Variants in MYPN observed in about 807,000 individuals in gnomAD.
The protein encoded by MYPN is sarcomeric protein myopalladin, 145 kDa (MYOP).
Under a neutral mutation model 129.4 loss-of-function variants are expected in MYPN, and 63 were observed. The ratio of observed to expected loss-of-function variants is 0.49; its 90% CI spans 0.40 to 0.60. The LOEUF is 0.60. Among genes scored for constraint, MYPN ranks in the 20% least tolerant of loss-of-function variants. The pLI, the probability that MYPN is intolerant of heterozygous loss-of-function variation, is 0.00. For synonymous variants in MYPN, 629 were observed against 600.9 expected (o/e 1.05, Z -0.68); for missense variants, 1,596 against 1,635.4 (o/e 0.98, Z 0.42).
rs1357324127 is a variant in MYPN at position 68,098,257 on chromosome 10, T to C, written c.-2+10265T>C. On this transcript the variant is annotated intron_variant, in intron 1 of 6. Transcript: ENST00000685154. ...CGAGACTCTGTCTCCAAAAAAAAGA[T>C]CTCAATTTTACTATGGCTTTTATGC... 2.0e-5 allele frequency among the ~76,000 whole-genome samples: 3 copies of C among 151,906 alleles called. No homozygotes were observed. The East Asian group carries it at 5.8e-4, about 30-fold the overall frequency.
chr10:68,161,621 C>T (rs2042978063), intron 7 of MYPN, 108 bp from the exon 8 acceptor site: 1 of 783,206 alleles, frequency 1.3e-6, no homozygotes, highest in African/African-American at 1.7e-5. Context: ...CTTATTGTAT[C>T]ACTCCTGAGT....
At chr10:68,161,866 A>G in intron 8 of MYPN, 114 bp downstream of exon 8, 1 of 876,606 alleles carries the variant, frequency 1.1e-6, no homozygotes, top group Non-Finnish European at 1.8e-6. Flanking sequence ...GTTTTAGGAA[A>G]AAAAGATCCA....
chr10:68,117,179 G>A (rs1351343950), intron 1 of MYPN, among the ~76,000 whole-genome samples: 9 of 150,424 alleles, frequency 6.0e-5, no homozygotes, highest in Non-Finnish European at 8.8e-5. Context: ...AGCCGACATC[G>A]CACCATTGCA....
At chr10:68,198,730 C>A (rs2043653801) in intron 16 of MYPN, among the ~76,000 whole-genome samples, 1 of 152,180 alleles carries the variant, frequency 6.6e-6, no homozygotes, top group African/African-American at 2.4e-5. Context: ...GGTTTAATAT[C>A]TGGCCTTTCA....
In MYPN at chr10:68,150,074, A is replaced by G. The variant is rs2042741903; in HGVS notation, c.1280A>G (p.Asp427Gly). Residue 427 changes from aspartate to glycine, a missense_variant, in exon 6 of 20, where the codon GAT (aspartate) becomes GGT (glycine). Physicochemically the swap from Asp to Gly is moderately conservative, Grantham distance 94. Transcript: ENST00000358913. The stretch of plus-strand genomic sequence containing the variant: ...CCCACCAATTACTTGCAGGGATTGG[A>G]TGGAAAACCTATCATTGCAGCTCCT... ...QSPTNYLQGL[D>G]GKPIIAAPVF... The G allele has an allele frequency of 6.2e-7, 1 of 1,613,914 alleles. No individual in the cohort carries two copies. The highest frequency in any genetic ancestry group is 8.5e-7 in the Non-Finnish European group (1 of 1,179,868).
At chr10:68,113,432 A>T (rs971068039) in intron 1 of MYPN, among the ~76,000 whole-genome samples, 2 of 152,192 alleles carry the variant, frequency 1.3e-5, no homozygotes, top group Non-Finnish European at 2.9e-5. Context: ...GCGGTGGCTC[A>T]TGCCTGTAAT....
chr10:68,126,784 C>T (rs1324280755), intron 2 of MYPN, among the ~76,000 whole-genome samples: 1 of 152,086 alleles, frequency 6.6e-6, no homozygotes, highest in Non-Finnish European at 1.5e-5. Context: ...GAATTTGAGT[C>T]TGAGGGGACA....
intron 12 of MYPN, among the ~76,000 whole-genome samples, chr10:68,175,960 C>T (rs901422433): frequency 6.6e-6 from 1 of 152,050 alleles, no homozygotes; most frequent in African/African-American, 2.4e-5. Flanking sequence ...CCAGCCTTGT[C>T]TCAAACTCCT....
intron 12 of MYPN, among the ~76,000 whole-genome samples, chr10:68,188,403 C>T (rs1704684377): frequency 8.3e-6 from 1 of 119,982 alleles, no homozygotes; most frequent in South Asian, 3.2e-4. Flanking sequence ...AGCCACCATG[C>T]CTGGCCTCTT....
intron 7 of MYPN, among the ~76,000 whole-genome samples, chr10:68,159,087 C>G (rs1316953444): frequency 2.0e-5 from 3 of 152,130 alleles, no homozygotes; most frequent in Admixed American, 2.0e-4. Context: ...AGAATTGCTG[C>G]TATAAATTTA....
Position 68,182,465 on chromosome 10 carries a change from C to CATATAT in MYPN, c.2704-6438_2704-6433dup, listed in dbSNP as rs372702266. On this transcript the variant is annotated intron_variant, in intron 12 of 19. Transcript: ENST00000358913. The stretch of plus-strand genomic sequence containing the variant: ...ACATATATATAACATATATATATAA[C>CATATAT]ATATATACACACACACACACACACA... Among the ~76,000 whole-genome samples, 668 of 89,330 alleles carry CATATAT rather than the reference C, an allele frequency of 7.5e-3. 22 individuals are homozygous for CATATAT. Among genetic ancestry groups the CATATAT allele is most frequent in the African/African-American group, 0.026 (602 of 22,752 alleles). The allele number at this position is 89,330 out of a possible 152,430, so 58.6% of individuals were successfully genotyped here.
In MYPN at chr10:68,143,132, T is replaced by C. The variant is rs774341455; in HGVS notation, c.1078+17T>C. On this transcript the variant is annotated intron_variant, in intron 3 of 19. Transcript: ENST00000358913. The stretch of plus-strand genomic sequence containing the variant: ...ATATAGAAGGTAAAACAAAATGCTC[T>C]TGGAGTATGACACTTAATAGTAAGA... The C allele has an allele frequency of 1.9e-6, 3 of 1,611,290 alleles. No individual in the cohort carries two copies. In the African/African-American group the frequency reaches 4.0e-5, roughly 22 times the overall value.
rs545307801 is a variant in MYPN, at chr10:68,189,200, A to G, written c.2925+74A>G. 1.7e-5 allele frequency: 18 copies of G among 1,034,126 alleles called. No homozygotes were observed. The African/African-American group carries it at 2.5e-4, about 14-fold the overall frequency. 64.1% of individuals were successfully genotyped at this position (1,034,126 alleles called of 1,614,324 possible). On this transcript the variant is annotated intron_variant, in intron 13 of 19. Transcript: ENST00000358913. Reference sequence around the variant, plus strand: ...GACAGTGCCTTCAAGAAGGTCTTTAAAAAATATACGCAATGTTTTTTCTTC... The same window carrying G: ...GACAGTGCCTTCAAGAAGGTCTTTAGAAAATATACGCAATGTTTTTTCTTC...
rs377642657 is a variant in MYPN at position 68,123,567 on chromosome 10, T to C, written c.902+1227T>C. Among the ~76,000 whole-genome samples, 1,197 of 148,478 alleles carry C rather than the reference T, an allele frequency of 8.1e-3. 7 individuals are homozygous for C. The highest frequency in any genetic ancestry group is 0.038 in the South Asian group (180 of 4,702). On this transcript the variant is annotated intron_variant, in intron 2 of 19. Transcript: ENST00000358913. ...CAAGCATGGTGGCGGGCGCCTGTAG[T>C]CCCAGCTACTTGAGAGGCTGAGGCA...
chr10:68,166,167 G>T, intron 9 of MYPN, 127 bp from the exon 10 acceptor site: 1 of 1,080,502 alleles, frequency 9.3e-7, no homozygotes, highest in South Asian at 1.3e-5. Flanking sequence ...CCCAGATGAT[G>T]ATCTGTTTTT....
intron 1 of MYPN, among the ~76,000 whole-genome samples, chr10:68,094,829 A>G (rs1026842229): frequency 6.6e-6 from 1 of 152,152 alleles, no homozygotes; most frequent in African/African-American, 2.4e-5. Context: ...TGGGAGGCCA[A>G]GGTGGGCAGA....
upstream of MYPN, among the ~76,000 whole-genome samples, chr10:68,107,528 T>G (rs1353382596): frequency 6.6e-6 from 1 of 151,586 alleles, no homozygotes; most frequent in Non-Finnish European, 1.5e-5. Context: ...TTTTTGTATT[T>G]TTAGTAGAGA....
At chr10:68,156,601 C>T (rs182510711) in intron 6 of MYPN, among the ~76,000 whole-genome samples, 1 of 152,300 alleles carries the variant, frequency 6.6e-6, no homozygotes, top group Admixed American at 6.5e-5. Flanking sequence ...CATAACATCC[C>T]TGAGGTGAAA....
upstream of MYPN, among the ~76,000 whole-genome samples, chr10:68,104,903 C>T (rs1172274377): frequency 6.6e-6 from 1 of 152,064 alleles, no homozygotes; most frequent in Non-Finnish European, 1.5e-5. Context: ...CCTGTCTCAG[C>T]CTCCCAAGTA....
Sources: gnomAD v4.1 joint callset for allele counts (sites outside exome capture counted in the v4.1 genomes callset) on GRCh38, gnomAD v4.1.1 for gene constraint, MANE v1.5 for transcripts, NCBI Gene and HGNC (gene_info 2026-07-23, HGNC 2026-07-21) for gene names.